TAFA2: variants seen among roughly 807,000 people sequenced by gnomAD.
TAFA2 encodes chemokine-like protein TAFA-2.
A neutral mutation model predicts 18.8 loss-of-function variants in TAFA2; 7 were observed. The observed-to-expected ratio is 0.37, with a 90% CI of 0.21 to 0.70. The LOEUF is 0.70. Ranked by LOEUF, TAFA2 falls within the 30% of genes least tolerant of loss-of-function variation. The pLI is 0.53. For missense variants in TAFA2, 122 were observed against 158.1 expected (o/e 0.77, Z 1.23); for synonymous variants, 60 against 54.2 (o/e 1.11, Z -0.47).
rs545483470 is a variant in TAFA2, at chr12:62,171,953, G to A, written c.-2+19306C>T. Among the ~76,000 whole-genome samples the A allele has an allele frequency of 2.0e-5, 3 of 152,230 alleles. No individual in the cohort carries two copies. The East Asian group carries it at 5.8e-4, about 29-fold the overall frequency. On this transcript the variant is annotated intron_variant, in intron 1 of 4. Coordinates refer to ENST00000416284, the MANE Select transcript of TAFA2 (RefSeq NM_178539.5). ...TATTATAATACTAAGAAACTGGCCA[G>A]AAGCCCACATATATCACTTTTTAAA...
intron 4 of TAFA2, chr12:61,721,009 A>C: frequency 2.0e-6 from 1 of 489,040 alleles, no homozygotes; most frequent in South Asian, 1.5e-5. Flanking sequence ...ACATTACAAC[A>C]AGCATAAAGG....
At chr12:61,801,758 T>C (rs370917982) in intron 2 of TAFA2, among the ~76,000 whole-genome samples, 5 of 151,834 alleles carry the variant, frequency 3.3e-5, no homozygotes, top group Non-Finnish European at 7.4e-5. Context: ...AATAGACAAA[T>C]GGAACTATAT....
At chr12:62,205,361 G>C (rs748301820) in intron 1 of TAFA2, among the ~76,000 whole-genome samples, 2 of 152,238 alleles carry the variant, frequency 1.3e-5, no homozygotes, top group Non-Finnish European at 2.9e-5. Flanking sequence ...TTTGGCAGAG[G>C]GGGTGCACTG....
chr12:62,143,728 T>A (rs2062256774), intron 1 of TAFA2, among the ~76,000 whole-genome samples: 1 of 152,068 alleles, frequency 6.6e-6, no homozygotes, highest in Non-Finnish European at 1.5e-5. Flanking sequence ...CTATAGACCC[T>A]CAGTCAAATT....
intron 1 of TAFA2, among the ~76,000 whole-genome samples, chr12:61,975,001 G>T (rs764627307): frequency 6.7e-6 from 1 of 149,146 alleles, no homozygotes; most frequent in Non-Finnish European, 1.5e-5. Flanking sequence ...GAAATCTCTG[G>T]GTAGAAGCCA....
chr12:61,894,821 C>T (rs1411910149), intron 1 of TAFA2, among the ~76,000 whole-genome samples: 2 of 152,142 alleles, frequency 1.3e-5, no homozygotes, highest in Non-Finnish European at 2.9e-5. Flanking sequence ...CCATATCCTG[C>T]ATTTGAAGTC....
Position 62,019,570 on chromosome 12 carries a change from A to T in TAFA2, c.-1-152144T>A, listed in dbSNP as rs565546618. On this transcript the variant is annotated intron_variant, in intron 1 of 4. Coordinates refer to ENST00000416284, the MANE Select transcript of TAFA2 (RefSeq NM_178539.5). ...TCATTCTCAGCAAACTATCACAAGG[A>T]CAAAAAACCAAACACCGCGTGTTCT... Among the ~76,000 whole-genome samples, 15 of 151,918 alleles carry T rather than the reference A, an allele frequency of 9.9e-5. No individual in the cohort carries two copies. The South Asian group carries it at 3.1e-3, about 32-fold the overall frequency.
At chr12:61,869,083 C>T (rs763398948) in intron 1 of TAFA2, among the ~76,000 whole-genome samples, 26 of 152,252 alleles carry the variant, frequency 1.7e-4, no homozygotes, top group Non-Finnish European at 3.5e-4. Flanking sequence ...GTTTGGGAGG[C>T]TTGTCCATTC....
At chr12:62,027,944 G>C (rs1881351451) in intron 1 of TAFA2, among the ~76,000 whole-genome samples, 1 of 152,108 alleles carries the variant, frequency 6.6e-6, no homozygotes, top group South Asian at 2.1e-4. Context: ...CTAATACCCT[G>C]GTTCCCTGTT....
At chr12:61,845,979 T>A (rs866687619) in intron 2 of TAFA2, among the ~76,000 whole-genome samples, 6 of 152,190 alleles carry the variant, frequency 3.9e-5, no homozygotes, top group Non-Finnish European at 7.4e-5. Flanking sequence ...AGCCACAGAA[T>A]TCATTTTATA....
chr12:61,719,054 C>T (rs10877725), intron 4 of TAFA2, among the ~76,000 whole-genome samples: 47,677 of 152,016 alleles, frequency 0.31, 7,698 homozygotes, highest in South Asian at 0.38. Flanking sequence ...ACCACCTTTG[C>T]AAAAACTGTA....
At chr12:62,224,634 C>T (rs1190388759) in intron 1 of TAFA2, among the ~76,000 whole-genome samples, 1 of 151,926 alleles carries the variant, frequency 6.6e-6, no homozygotes, top group Non-Finnish European at 1.5e-5. Context: ...AACATTTAGA[C>T]CATAGCACTG....
chr12:61,909,340 G>A (rs1379525399), intron 1 of TAFA2, among the ~76,000 whole-genome samples: 4 of 152,152 alleles, frequency 2.6e-5, no homozygotes, highest in Non-Finnish European at 4.4e-5. Context: ...AAGATGGCGA[G>A]CAGGACATCG....
chr12:62,193,896 G>A (rs562160042), upstream of TAFA2, among the ~76,000 whole-genome samples: 1 of 152,154 alleles, frequency 6.6e-6, no homozygotes, highest in East Asian at 1.9e-4. Flanking sequence ...AGAAAGAAAA[G>A]AATGTATTTT....
chr12:62,002,944 C>T (rs1880427103), intron 1 of TAFA2, among the ~76,000 whole-genome samples: 1 of 152,146 alleles, frequency 6.6e-6, no homozygotes. Context: ...ATTAATTCTA[C>T]CAATTTTTTA....
chr12:61,735,355 G>A (rs1039486481), intron 4 of TAFA2, among the ~76,000 whole-genome samples: 1 of 151,646 alleles, frequency 6.6e-6, no homozygotes, highest in South Asian at 2.1e-4. Flanking sequence ...ATCCAGATTG[G>A]CAATCTTTGT....
chr12:62,087,998 C>T (rs1009820820), intron 1 of TAFA2, among the ~76,000 whole-genome samples: 2 of 151,948 alleles, frequency 1.3e-5, no homozygotes, highest in Admixed American at 6.6e-5. Flanking sequence ...GTCTGTTGTC[C>T]CAGTGCCCTG....
At chr12:61,756,961 A>G (rs1298199229) in intron 2 of TAFA2, among the ~76,000 whole-genome samples, 1 of 152,104 alleles carries the variant, frequency 6.6e-6, no homozygotes, top group Non-Finnish European at 1.5e-5. Flanking sequence ...TGGCTAAACA[A>G]TTGAAAGTTT....
intron 4 of TAFA2, among the ~76,000 whole-genome samples, chr12:61,721,666 GT>G (rs1486639042): frequency 6.6e-6 from 1 of 152,156 alleles, no homozygotes; most frequent in Non-Finnish European, 1.5e-5. Flanking sequence ...ATGTTTAAAA[GT>G]TTTATTGGCC....
Sources: allele counts gnomAD v4.1 joint callset (sites outside exome capture counted in the v4.1 genomes callset), GRCh38; gene constraint gnomAD v4.1.1; transcripts MANE v1.5; gene names NCBI Gene and HGNC (gene_info 2026-07-23, HGNC 2026-07-21).